The following NRP1 variants were observed in gnomAD, a reference collection of about 807,000 sequenced individuals.
NRP1 encodes neuropilin-1.
NRP1 carries 35 observed loss-of-function variants against 106.7 expected under a neutral mutation model. The observed-to-expected ratio is 0.33, with a 90% CI of 0.25 to 0.43. The LOEUF (loss-of-function observed/expected upper bound fraction) is 0.43. Ranked by LOEUF, NRP1 falls within the 20% of genes least tolerant of loss-of-function variation. The pLI, the probability that NRP1 is intolerant of heterozygous loss-of-function variation, is 1.00. For missense variants in NRP1, 1,024 were observed against 1,170.4 expected, an observed-to-expected ratio of 0.87 and a Z score of 1.83; for synonymous variants, 437 against 417.9, an observed-to-expected ratio of 1.05 and a Z score of -0.56.
At chr10:33,225,026 C>T (rs542357802) in intron 7 of NRP1, among the ~76,000 whole-genome samples, 3 of 152,286 alleles carry the variant, frequency 2.0e-5, no homozygotes, top group South Asian at 4.1e-4. Flanking sequence ...TCAAAATTTA[C>T]TCACTTCATC....
intron 6 of NRP1, among the ~76,000 whole-genome samples, chr10:33,251,534 T>C (rs1209784630): frequency 6.6e-6 from 1 of 152,164 alleles, no homozygotes; most frequent in African/African-American, 2.4e-5. Flanking sequence ...GAAAACCCTC[T>C]AGTTTTTGGG....
chr10:33,212,561 G>C (rs1463250802), intron 9 of NRP1: 1 of 152,234 alleles, frequency 6.6e-6, no homozygotes, highest in African/African-American at 2.4e-5. Flanking sequence ...AGTTTTGCAA[G>C]ATGAGAAAGT....
At chr10:33,220,900 C>CAA (rs35895871) in intron 8 of NRP1, among the ~76,000 whole-genome samples, 201 of 60,258 alleles carry the variant, frequency 3.3e-3, no homozygotes, top group East Asian at 6.9e-3. Flanking sequence ...GGCTCAGTCT[C>CAA]AAAAAAAAAA....
At chr10:33,257,727 T>C (rs1416304475) in intron 4 of NRP1, among the ~76,000 whole-genome samples, 1 of 152,126 alleles carries the variant, frequency 6.6e-6, no homozygotes, top group Admixed American at 6.5e-5. Flanking sequence ...AAACTGGAAA[T>C]TGCCTTGGGA....
At chr10:33,317,513 T>C (rs1440669440) in intron 2 of NRP1, among the ~76,000 whole-genome samples, 2 of 152,270 alleles carry the variant, frequency 1.3e-5, no homozygotes, top group Admixed American at 6.5e-5. Flanking sequence ...ACAAAATCCA[T>C]ATCATTTTCT....
At position 33,226,208 on chromosome 10, in the gene NRP1, C is replaced by T. The variant is rs571665973; in HGVS notation, c.1063G>A (p.Val355Ile). The change falls in exon 7 of 17, where the codon GTC becomes ATC. Residue 355 changes from valine (V) to isoleucine (I), a missense_variant. Physicochemically the swap from Val to Ile is conservative, Grantham distance 29. Transcript: ENST00000374867. ...CTAACGTCGATCTTGTAAGTCTTGA[C>T]ATAATATTTCTTCTTGGTTTCTTTT... ...ISKETKKKYY[V>I]KTYKIDVSSN... 3 of 1,614,190 alleles carry T rather than the reference C, an allele frequency of 1.9e-6. No individual in the cohort carries two copies. Among genetic ancestry groups the T allele is most frequent in the African/African-American group, 2.7e-5 (2 of 75,056 alleles).
At chr10:33,215,856 G>A (rs10827214) in intron 8 of NRP1, among the ~76,000 whole-genome samples, 42,655 of 152,048 alleles carry the variant, frequency 0.28, 6,431 homozygotes, top group East Asian at 0.62. Context: ...GGCCTTCCAT[G>A]TCATGTCCTT....
chr10:33,297,937 A>G (rs1231506780), intron 2 of NRP1, among the ~76,000 whole-genome samples: 1 of 152,086 alleles, frequency 6.6e-6, no homozygotes, highest in African/African-American at 2.4e-5. Context: ...ATCCCCTGGA[A>G]TCATATTATC....
At chr10:33,230,655 C>T (rs1457768823) in intron 6 of NRP1, among the ~76,000 whole-genome samples, 2 of 151,194 alleles carry the variant, frequency 1.3e-5, no homozygotes. Context: ...CTCCTAGTCA[C>T]TTTCCTACAA....
chr10:33,256,910 A>C (rs148104607), intron 4 of NRP1, among the ~76,000 whole-genome samples: 1 of 152,078 alleles, frequency 6.6e-6, no homozygotes, highest in Non-Finnish European at 1.5e-5. Context: ...GATTCTGGGG[A>C]TGCTGATGTC....
chr10:33,254,065 C>T lies in NRP1; in HGVS notation c.944G>A (p.Trp315Ter). The T allele has an allele frequency of 6.2e-7, 1 of 1,613,302 alleles. No individual in the cohort carries two copies. Among genetic ancestry groups the T allele is most frequent in the Non-Finnish European group, 8.5e-7 (1 of 1,179,812 alleles). Residue 315 changes from tryptophan to a stop codon, truncating the protein, a stop_gained, in exon 6 of 17, where the codon TGG (tryptophan) becomes TAG (stop). Coordinates refer to ENST00000374867, the MANE Select transcript of NRP1 (RefSeq NM_003873.7). LOFTEE classifies it high-confidence loss of function. Reference protein sequence around the residue: ...RSRLNYPENGWTPGEDSYREW... With the variant: ...RSRLNYPENG ...TCGGTAGGAATCCTCTCCGGGAGTC[C>T]ACCCATTCTCAGGGTAGTTCAGGCG...
chr10:33,213,916 C>G (rs61760417), intron 8 of NRP1, 199 bp from the exon 9 acceptor site: 4 of 561,272 alleles, frequency 7.1e-6, no homozygotes, highest in Non-Finnish European at 1.2e-5. Flanking sequence ...TCTCTAAACT[C>G]ACATCCCAGT....
At position 33,207,695 on chromosome 10, in the gene NRP1, A is replaced by G. The variant is rs1306488561; in HGVS notation, c.1636T>C (p.Tyr546His). The G allele has an allele frequency of 6.2e-7, 1 of 1,613,948 alleles. No individual in the cohort carries two copies. The highest frequency in any genetic ancestry group is 1.1e-5 in the South Asian group (1 of 91,066). ...KAKSFEGNNN[Y>H]DTPELRTFPA... ...AAAGTCCGCAGCTCAGGTGTATCAT[A>G]GTTGTTGTTGCCCTCAAAAGACTGT... The change falls in exon 10 of 17, where the codon TAT (tyrosine) becomes CAT (histidine). Residue 546 changes from tyrosine to histidine, a missense_variant. Physicochemically the swap from Tyr to His is moderately conservative, Grantham distance 83. Coordinates refer to ENST00000374867, the MANE Select transcript of NRP1 (RefSeq NM_003873.7).
At chr10:33,227,498 C>T (rs57997960) in intron 6 of NRP1, among the ~76,000 whole-genome samples, 52,326 of 151,956 alleles carry the variant, frequency 0.34, 9,255 homozygotes, top group East Asian at 0.64. Context: ...CTTCCTGTGG[C>T]CTCTCTCCTT....
intron 10 of NRP1, chr10:33,205,998 G>A (rs1006682659): frequency 3.3e-6 from 1 of 300,712 alleles, no homozygotes; most frequent in African/African-American, 2.2e-5. Flanking sequence ...TTTGGCCTAT[G>A]CCCAGGAATG....
chr10:33,310,140 G>A (rs1846478138), intron 2 of NRP1, among the ~76,000 whole-genome samples: 1 of 151,644 alleles, frequency 6.6e-6, no homozygotes, highest in Admixed American at 6.6e-5. Context: ...TAGTAGAGAC[G>A]GGGTTTCACC....
At chr10:33,218,539 G>A (rs1236819191) in intron 8 of NRP1, among the ~76,000 whole-genome samples, 2 of 151,896 alleles carry the variant, frequency 1.3e-5, no homozygotes, top group African/African-American at 4.8e-5. Context: ...TAGAGATGGG[G>A]TTTCACTGTG....
chr10:33,296,178 T>C (rs773729629), intron 2 of NRP1, among the ~76,000 whole-genome samples: 1 of 152,192 alleles, frequency 6.6e-6, no homozygotes, highest in Non-Finnish European at 1.5e-5. Flanking sequence ...ATGTTTCCCT[T>C]TAAAAGAGGG....
chr10:33,258,210 G>A (rs1310508822), intron 4 of NRP1, among the ~76,000 whole-genome samples: 1 of 152,096 alleles, frequency 6.6e-6, no homozygotes, highest in Non-Finnish European at 1.5e-5. Flanking sequence ...ATCCTTGGCC[G>A]ACAGGTTTTC....
Sources: gnomAD v4.1 joint callset for allele counts (sites outside exome capture counted in the v4.1 genomes callset) on GRCh38, gnomAD v4.1.1 for gene constraint, MANE v1.5 for transcripts, NCBI Gene and HGNC (gene_info 2026-07-23, HGNC 2026-07-21) for gene names.